The following ROBO1 variants were observed in gnomAD, a reference collection of about 807,000 sequenced individuals.
The protein encoded by ROBO1 is roundabout guidance receptor 1.
Under a neutral mutation model 195.9 loss-of-function variants are expected in ROBO1, and 149 were observed. The ratio of observed to expected loss-of-function variants is 0.76; its 90% CI spans 0.67 to 0.87. The LOEUF (loss-of-function observed/expected upper bound fraction) is 0.87. ROBO1 is among the 40% of genes least tolerant of loss of function. The pLI is 0.00. For synonymous variants in ROBO1, 816 were observed against 733.2 expected, an observed-to-expected ratio of 1.11 and a Z score of -1.82; for missense variants, 1,933 against 2,068.3, an observed-to-expected ratio of 0.93 and a Z score of 1.27.
chr3:78,635,927 G>A lies in ROBO1; in HGVS notation c.3219C>T (p.Tyr1073=), dbSNP rs1325006742. 25 of 1,613,820 alleles carry A rather than the reference G, an allele frequency of 1.5e-5. No individual in the cohort carries two copies. The highest frequency in any genetic ancestry group is 1.7e-5 in the Non-Finnish European group (20 of 1,179,862). Residue 1073 remains tyrosine (Y), a synonymous_variant, in exon 23 of 31, where the codon TAC becomes TAT. Transcript: ENST00000464233. The part of the protein sequence containing the change: ...FVNPSGQPTP[Y]ATTQLIQSNL... ...TTGACTGGATGAGCTGAGTGGTGGC[G>A]TAAGGAGTAGGCTGCCCTGATGGAT...
intron 3 of ROBO1, among the ~76,000 whole-genome samples, chr3:79,020,240 G>A (rs1434420356): frequency 6.6e-6 from 1 of 152,176 alleles, no homozygotes; most frequent in Non-Finnish European, 1.5e-5. Flanking sequence ...ATCCCAACCT[G>A]CCAGTTATAG....
intron 3 of ROBO1, among the ~76,000 whole-genome samples, chr3:79,114,689 G>A (rs1302897773): frequency 6.6e-6 from 1 of 152,122 alleles, no homozygotes; most frequent in Non-Finnish European, 1.5e-5. Context: ...GTCATATCAG[G>A]ACATTCTCTC....
At chr3:79,239,241 A>G (rs1369079539) in intron 2 of ROBO1, among the ~76,000 whole-genome samples, 1 of 152,174 alleles carries the variant, frequency 6.6e-6, no homozygotes, top group African/African-American at 2.4e-5. Context: ...CTCAAAACAA[A>G]CCTATTTAAA....
At chr3:79,629,635 C>T (rs7427454) in intron 1 of ROBO1, among the ~76,000 whole-genome samples, 45,172 of 151,092 alleles carry the variant, frequency 0.3, 8,398 homozygotes, top group African/African-American at 0.53. Context: ...AAAAAAGTAA[C>T]AAAGATCAGA....
intron 2 of ROBO1, among the ~76,000 whole-genome samples, chr3:79,346,623 T>G (rs966227879): frequency 6.6e-6 from 1 of 152,084 alleles, no homozygotes; most frequent in Non-Finnish European, 1.5e-5. Flanking sequence ...GAGATCAATC[T>G]ACTTTTCAGA....
intron 1 of ROBO1, among the ~76,000 whole-genome samples, chr3:79,665,779 A>T (rs1447774610): frequency 6.6e-6 from 1 of 151,954 alleles, no homozygotes; most frequent in Admixed American, 6.6e-5. Flanking sequence ...AAAATGTCAT[A>T]GATAAAGAGA....
intron 27 of ROBO1, among the ~76,000 whole-genome samples, chr3:78,616,186 A>G (rs1315896277): frequency 1.3e-5 from 2 of 152,194 alleles, no homozygotes; most frequent in East Asian, 1.9e-4. Context: ...CGTCCATTTA[A>G]TAAACTGAAA....
intron 3 of ROBO1, among the ~76,000 whole-genome samples, chr3:79,005,963 TTTTC>T (rs1356314092): frequency 6.6e-6 from 1 of 152,168 alleles, no homozygotes; most frequent in African/African-American, 2.4e-5. Context: ...ACAACCTCGA[TTTTC>T]TTTATTTTTA....
intron 1 of ROBO1, among the ~76,000 whole-genome samples, chr3:79,607,241 TA>T (rs1253784961): frequency 6.6e-6 from 1 of 151,494 alleles, no homozygotes; most frequent in African/African-American, 2.4e-5. Context: ...TTAATATATT[TA>T]AAATTTCTTC....
At chr3:78,680,285 G>A (rs2080863321) in intron 10 of ROBO1, among the ~76,000 whole-genome samples, 1 of 152,174 alleles carries the variant, frequency 6.6e-6, no homozygotes, top group African/African-American at 2.4e-5. Context: ...AGGACTTCAT[G>A]TCTAAAACAC....
chr3:79,606,035 C>CACATAT (rs1944472255), intron 1 of ROBO1, among the ~76,000 whole-genome samples: 1 of 146,742 alleles, frequency 6.8e-6, no homozygotes, highest in African/African-American at 2.5e-5. Flanking sequence ...CATGTACCCA[C>CACATAT]ATATATATAT....
intron 2 of ROBO1, among the ~76,000 whole-genome samples, chr3:79,405,959 T>C (rs1307477638): frequency 3.3e-5 from 5 of 152,176 alleles, no homozygotes; most frequent in Non-Finnish European, 5.9e-5. Context: ...TGTATGATAT[T>C]GCTAATAAAA....
intron 2 of ROBO1, among the ~76,000 whole-genome samples, chr3:79,446,664 T>C (rs1384986508): frequency 1.3e-5 from 2 of 152,172 alleles, no homozygotes; most frequent in Admixed American, 6.5e-5. Context: ...TATACCTCAG[T>C]GCACTTTTAA....
intron 1 of ROBO1, among the ~76,000 whole-genome samples, chr3:79,727,168 C>T (rs1702958922): frequency 6.6e-6 from 1 of 152,138 alleles, no homozygotes; most frequent in Admixed American, 6.5e-5. Flanking sequence ...AATTATGCCT[C>T]AGGTGCTATG....
At chr3:79,442,757 A>G (rs2039101986) in intron 2 of ROBO1, among the ~76,000 whole-genome samples, 1 of 152,158 alleles carries the variant, frequency 6.6e-6, no homozygotes, top group Admixed American at 6.6e-5. Flanking sequence ...CACTAACACC[A>G]GGCTAAAGGG....
intron 2 of ROBO1, among the ~76,000 whole-genome samples, chr3:79,166,004 G>C (rs903248174): frequency 9.2e-5 from 14 of 152,166 alleles, no homozygotes; most frequent in African/African-American, 3.4e-4. Context: ...CCATGCAGGA[G>C]AGTTCCACTC....
intron 10 of ROBO1, 37 bp downstream of exon 10, chr3:78,685,709 A>T (rs773134698): frequency 2.0e-6 from 3 of 1,499,400 alleles, no homozygotes; most frequent in Admixed American, 1.9e-5. Context: ...CCTAAGTCAA[A>T]CTTGGACATT....
chr3:79,054,244 T>C (rs1343075119), intron 3 of ROBO1, among the ~76,000 whole-genome samples: 1 of 152,150 alleles, frequency 6.6e-6, no homozygotes, highest in East Asian at 1.9e-4. Flanking sequence ...AAGGTGTGTA[T>C]GAGAGCTTGG....
intron 18 of ROBO1, among the ~76,000 whole-genome samples, chr3:78,655,873 C>G (rs773229068): frequency 6.6e-6 from 1 of 152,182 alleles, no homozygotes; most frequent in African/African-American, 2.4e-5. Flanking sequence ...TAAAATACTA[C>G]TAATGCTTAA....
Sources: allele counts gnomAD v4.1 joint callset (sites outside exome capture counted in the v4.1 genomes callset), GRCh38; gene constraint gnomAD v4.1.1; transcripts MANE v1.5; gene names NCBI Gene and HGNC (gene_info 2026-07-23, HGNC 2026-07-21).